Variants in AHNAK observed in about 807,000 individuals in gnomAD.
The protein encoded by AHNAK is neuroblast differentiation-associated protein AHNAK.
AHNAK carries 23 observed loss-of-function variants against 37.8 expected under a neutral mutation model. The observed-to-expected ratio is 0.61, with a 90% CI of 0.44 to 0.86. AHNAK has a LOEUF of 0.86. Among genes scored for constraint, AHNAK ranks in the 40% least tolerant of loss-of-function variants. The pLI is 0.00. For missense variants in AHNAK, 7,411 were observed against 7,319.4 expected (o/e 1.01, Z -0.46); for synonymous variants, 2,481 against 2,636.3 (o/e 0.94, Z 1.80).
intron 5 of AHNAK, among the ~76,000 whole-genome samples, chr11:62,443,856 G>A (rs951610278): frequency 6.6e-6 from 1 of 152,238 alleles, no homozygotes; most frequent in African/African-American, 2.4e-5. Context: ...AGCAAGGAAT[G>A]AGGAAACCCC....
chr11:62,508,402 G>C (rs931585508), intron 4 of AHNAK, among the ~76,000 whole-genome samples: 1 of 152,204 alleles, frequency 6.6e-6, no homozygotes, highest in African/African-American at 2.4e-5. Flanking sequence ...GCAAATGCCA[G>C]AGCTGCCTGC....
intron 5 of AHNAK, among the ~76,000 whole-genome samples, chr11:62,465,998 A>G (rs1021613169): frequency 2.2e-4 from 33 of 152,256 alleles, no homozygotes; most frequent in Admixed American, 9.2e-4. Flanking sequence ...ATAGCAACCA[A>G]AAGAAACTAA....
At chr11:62,461,172 A>C (rs1270778549) in intron 5 of AHNAK, among the ~76,000 whole-genome samples, 1 of 102,554 alleles carries the variant, frequency 9.8e-6, no homozygotes, top group African/African-American at 3.7e-5. Context: ...TTTGAGACAG[A>C]GTCTCACCCT....
chr11:62,535,936 G>T lies in AHNAK; in HGVS notation c.154+9C>A. 1 of 1,607,202 alleles carries T rather than the reference G, an allele frequency of 6.2e-7. No individual in the cohort carries two copies. Among genetic ancestry groups the T allele is most frequent in the Middle Eastern group, 1.7e-4 (1 of 5,874 alleles). On this transcript the variant is annotated intron_variant, in intron 3 of 4. Transcript: ENST00000378024. ...ACCAGCACCCAGTCCACACCCTGGG[G>T]TGACTCACCCTCCTTGACCACCCCA...
chr11:62,539,725 C>T (rs982399828), intron 1 of AHNAK, among the ~76,000 whole-genome samples: 7 of 152,218 alleles, frequency 4.6e-5, no homozygotes, highest in Non-Finnish European at 7.3e-5. Context: ...CCCGTGAGGA[C>T]GGGAGCCATT....
chr11:62,443,272 G>A (rs1431759396), intron 5 of AHNAK, among the ~76,000 whole-genome samples: 8 of 62,898 alleles, frequency 1.3e-4, no homozygotes, highest in Non-Finnish European at 1.9e-4. Flanking sequence ...CACTGCACCC[G>A]GCCTTTTTTT....
In AHNAK at chr11:62,515,953, A is replaced by C. The variant is rs968137723; in HGVS notation, c.*791T>G. On this transcript the variant is annotated 3_prime_UTR_variant, in exon 5 of 5. Coordinates refer to ENST00000378024, the MANE Select transcript of AHNAK (RefSeq NM_001620.3). ...CCTTGTACAGCATCAATTTTCTTAC[A>C]TTCTCAGTTAATTGGCCATTAAAGT... The C allele has an allele frequency of 9.5e-5, 112 of 1,173,336 alleles. No homozygotes were observed. Among genetic ancestry groups the C allele is most frequent in the Non-Finnish European group, 1.1e-4 (105 of 933,158 alleles). 72.7% of individuals were successfully genotyped at this position (1,173,336 alleles called of 1,614,324 possible).
At chr11:62,454,149 C>T (rs1938601305) in intron 5 of AHNAK, among the ~76,000 whole-genome samples, 1 of 151,080 alleles carries the variant, frequency 6.6e-6, no homozygotes, top group Admixed American at 6.6e-5. Flanking sequence ...TACGGTGGCT[C>T]ATGCCTATAA....
Position 62,527,801 on chromosome 11 carries a change from C to T in AHNAK, c.6616G>A (p.Val2206Ile). Residue 2206 changes from valine (V) to isoleucine (I), a missense_variant, in exon 5 of 5, where the codon GTT (valine) becomes ATT (isoleucine). Physicochemically the swap from Val to Ile is conservative, Grantham distance 29. Transcript: ENST00000378024. Reference protein sequence around the residue: ...PKVKGDMDVSVPKVEGEMKVP... With the variant: ...PKVKGDMDVSIPKVEGEMKVP... The stretch of plus-strand genomic sequence containing the variant: ...TTCATTTCACCTTCTACCTTGGGAA[C>T]AGACACATCCATATCCCCTTTGACT... The T allele has an allele frequency of 6.2e-7, 1 of 1,613,706 alleles. No homozygotes were observed. Among genetic ancestry groups the T allele is most frequent in the Non-Finnish European group, 8.5e-7 (1 of 1,179,936 alleles).
Position 62,524,750 on chromosome 11 carries a change from C to T in AHNAK, c.9667G>A (p.Asp3223Asn), listed in dbSNP as rs780933526. Reference protein sequence around the residue: ...NIKAPKISMPDLDLNLKGPKM... With the variant: ...NIKAPKISMPNLDLNLKGPKM... ...GGGCCTTTAAGATTGAGGTCCAAAT[C>T]AGGCATTGATATTTTAGGAGCTTTG... Residue 3223 changes from aspartate to asparagine, a missense_variant, in exon 5 of 5, where the codon GAT (aspartate) becomes AAT (asparagine). Physicochemically the swap from Asp to Asn is conservative, Grantham distance 23 (BLOSUM62 1). Transcript: ENST00000378024. The T allele has an allele frequency of 6.2e-7, 1 of 1,614,130 alleles. No homozygotes were observed. The highest frequency in any genetic ancestry group is 8.5e-7 in the Non-Finnish European group (1 of 1,180,024).
At chr11:62,465,483 G>C (rs1299598882) in intron 5 of AHNAK, among the ~76,000 whole-genome samples, 1 of 151,844 alleles carries the variant, frequency 6.6e-6, no homozygotes, top group East Asian at 1.9e-4. Context: ...CGTTGTGGCA[G>C]GCGCCTGTAA....
chr11:62,457,318 C>T (rs529502609), intron 5 of AHNAK, among the ~76,000 whole-genome samples: 14 of 152,036 alleles, frequency 9.2e-5, no homozygotes, highest in Admixed American at 4.6e-4. Context: ...CGTGGTGGCA[C>T]ACACCTGTAG....
In AHNAK at chr11:62,533,511, G is replaced by C; in HGVS notation, c.906C>G (p.Gly302=). 4 of 1,614,066 alleles carry C rather than the reference G, an allele frequency of 2.5e-6. No individual in the cohort carries two copies. Among genetic ancestry groups the C allele is most frequent in the Non-Finnish European group, 3.4e-6 (4 of 1,180,020 alleles). The change falls in exon 5 of 5, where the codon GGC becomes GGG. Residue 302 remains glycine, a synonymous_variant. Transcript: ENST00000378024. ...CTTTCATGGTGGGAAATTTAATTTT[G>C]CCATGATCACCACTCTCCAGAGATG... The part of the protein sequence containing the change: ...QGPSLESGDH[G]KIKFPTMKVP...
intron 5 of AHNAK, among the ~76,000 whole-genome samples, chr11:62,490,177 G>A (rs774311719): frequency 6.6e-6 from 1 of 151,126 alleles, no homozygotes; most frequent in Non-Finnish European, 1.5e-5. Context: ...CTTGAGGGAG[G>A]CTTTCTTTCT....
exon 6 of AHNAK, chr11:62,433,749 G>T: frequency 1.5e-6 from 2 of 1,290,658 alleles, no homozygotes; most frequent in South Asian, 1.3e-5. Context: ...GCCGCCTCGC[G>T]GAAGGTATTC....
At chr11:62,468,369 AAAAT>A (rs1309000775) in intron 5 of AHNAK, among the ~76,000 whole-genome samples, 13 of 145,700 alleles carry the variant, frequency 8.9e-5, no homozygotes, top group African/African-American at 1.9e-4. Flanking sequence ...AAAAAAAAAA[AAAAT>A]ATATATATAT....
chr11:62,518,407 T>C lies in AHNAK; in HGVS notation c.16010A>G (p.Lys5337Arg). 6.2e-7 allele frequency: 1 copy of C among 1,614,094 alleles called. No individual in the cohort carries two copies. Among genetic ancestry groups the C allele is most frequent in the Non-Finnish European group, 8.5e-7 (1 of 1,180,004 alleles). ...PGLNLSGVGG[K>R]MQVGGDGVKV... ...CACACCGTCTCCTCCCACCTGCATT[T>C]TGCCACCGACACCACTGAGGTTGAG... Residue 5337 changes from lysine (K) to arginine (R), a missense_variant, in exon 5 of 5, where the codon AAA becomes AGA. Coordinates refer to ENST00000378024, the MANE Select transcript of AHNAK (RefSeq NM_001620.3).
rs189585079 is a variant in AHNAK at position 62,545,414 on chromosome 11, C to T, written c.-100+1246G>A. Among the ~76,000 whole-genome samples the T allele has an allele frequency of 5.1e-3, 778 of 152,344 alleles. 14 individuals are homozygous for T. The highest frequency in any genetic ancestry group is 0.017 in the African/African-American group (721 of 41,580). On this transcript the variant is annotated intron_variant, in intron 1 of 4. Transcript: ENST00000378024. ...GGCCCCTGGAGTCCCTCATGGTCAG[C>T]GCCGCCAAGGGGCTGCGCCCCCACA...
chr11:62,466,081 A>G (rs935440318), intron 5 of AHNAK, among the ~76,000 whole-genome samples: 3 of 152,140 alleles, frequency 2.0e-5, no homozygotes, highest in Admixed American at 6.5e-5. Context: ...GCACTTTGGG[A>G]GGCCGAGGCG....
Sources: allele counts gnomAD v4.1 joint callset (sites outside exome capture counted in the v4.1 genomes callset), GRCh38; gene constraint gnomAD v4.1.1; transcripts MANE v1.5; gene names NCBI Gene and HGNC (gene_info 2026-07-23, HGNC 2026-07-21).